The following CACNA1D variants were observed in gnomAD, a reference collection of about 807,000 sequenced individuals.
CACNA1D encodes the protein calcium voltage-gated channel subunit alpha1 D, also known as voltage-dependent L-type calcium channel subunit alpha-1D.
In CACNA1D, 55 loss-of-function variants were observed where a neutral mutation model predicts 257.1. That is an observed-to-expected ratio of 0.21 (90% CI 0.17 to 0.27). The LOEUF (loss-of-function observed/expected upper bound fraction) is 0.27, where lower values mean the gene tolerates loss of function less well. CACNA1D is among the 10% of genes least tolerant of loss of function. CACNA1D has a pLI of 1.00. For missense variants in CACNA1D, 1,876 were observed against 2,784.0 expected, an observed-to-expected ratio of 0.67 and a Z score of 7.34; for synonymous variants, 980 against 1,014.9, an observed-to-expected ratio of 0.97 and a Z score of 0.65.
rs550594451 is a variant in CACNA1D, at chr3:53,582,400, C to T, written c.484-68379C>T. ...TAAAGTGGCCAGTGACCCAGGAGAG[C>T]GGCAGAGCACAGGCTGTGGATCCTG... On this transcript the variant is annotated intron_variant, in intron 3 of 47. Coordinates refer to ENST00000350061, the MANE Select transcript of CACNA1D (RefSeq NM_001128840.3). Among the ~76,000 whole-genome samples, 99 of 152,166 alleles carry T rather than the reference C, an allele frequency of 6.5e-4. 3 individuals carry two copies. In the South Asian group the frequency reaches 0.011, roughly 18 times the overall value.
chr3:53,718,658 C>T (rs1185572171), intron 10 of CACNA1D: 1 of 1,480,244 alleles, frequency 6.8e-7, no homozygotes, highest in Admixed American at 2.1e-5. Context: ...GGTGGTTAAC[C>T]TGGCCACCTG....
chr3:53,748,374 T>C (rs2095191954), intron 26 of CACNA1D, among the ~76,000 whole-genome samples: 2 of 152,078 alleles, frequency 1.3e-5, no homozygotes, highest in South Asian at 2.1e-4. Flanking sequence ...GAGTCAGATA[T>C]TTTCAGGAGC....
At chr3:53,641,936 C>A (rs1031217815) in intron 3 of CACNA1D, among the ~76,000 whole-genome samples, 1 of 152,146 alleles carries the variant, frequency 6.6e-6, no homozygotes, top group African/African-American at 2.4e-5. Flanking sequence ...CTCTCAGATA[C>A]CTCAACATTT....
At chr3:53,736,030 G>A (rs563536983) in intron 20 of CACNA1D, among the ~76,000 whole-genome samples, 63 of 152,326 alleles carry the variant, frequency 4.1e-4, no homozygotes, top group African/African-American at 1.4e-3. Context: ...AGGATGTCAA[G>A]TTGAGGTGTT....
At chr3:53,638,757 G>C (rs1438209514) in intron 3 of CACNA1D, among the ~76,000 whole-genome samples, 1 of 152,236 alleles carries the variant, frequency 6.6e-6, no homozygotes, top group African/African-American at 2.4e-5. Flanking sequence ...TTCCTAGCAT[G>C]GTGGCCACCT....
intron 3 of CACNA1D, among the ~76,000 whole-genome samples, chr3:53,526,070 A>C (rs2091752808): frequency 6.6e-6 from 1 of 152,182 alleles, no homozygotes. Context: ...CCAGCAAAAG[A>C]GAGTGTGAGA....
Position 53,811,004 on chromosome 3 carries a change from A to C in CACNA1D, c.6193-109A>C. Reference sequence around the variant, plus strand: ...GAAAACATGATTGAGCTGCATCCCCAAAGCACACGGTGCAGTTAAGTTAGC... The same window carrying C: ...GAAAACATGATTGAGCTGCATCCCCCAAGCACACGGTGCAGTTAAGTTAGC... On this transcript the variant is annotated intron_variant, in intron 47 of 47. Transcript: ENST00000350061. This position sits in a 1 kb window ranked among gnomAD's most constrained non-coding sequence, Gnocchi z 4.2. 1 of 841,116 alleles carries C rather than the reference A, an allele frequency of 1.2e-6. No homozygotes were observed. Among genetic ancestry groups the C allele is most frequent in the East Asian group, 2.4e-5 (1 of 41,120 alleles). The allele number at this position is 841,116 out of a possible 1,614,324, so 52.1% of individuals were successfully genotyped here.
chr3:53,679,338 A>G (rs1008292744), intron 8 of CACNA1D: 1 of 149,298 alleles, frequency 6.7e-6, no homozygotes, highest in African/African-American at 2.5e-5. Context: ...CTTTACCAGC[A>G]TCTACTGACA....
At chr3:53,533,178 A>G (rs1279082521) in intron 3 of CACNA1D, among the ~76,000 whole-genome samples, 1 of 152,068 alleles carries the variant, frequency 6.6e-6, no homozygotes, top group African/African-American at 2.4e-5. Context: ...AGCTAAATTT[A>G]TTGCTTGATT....
At chr3:53,748,952 C>T in intron 26 of CACNA1D, 4 of 455,132 alleles carry the variant, frequency 8.8e-6, no homozygotes, top group South Asian at 8.1e-5. Flanking sequence ...TTTTCACTTC[C>T]TCCAGTGTCT....
At chr3:53,779,475 A>G (rs992080419) in intron 37 of CACNA1D, among the ~76,000 whole-genome samples, 1 of 151,986 alleles carries the variant, frequency 6.6e-6, no homozygotes, top group Non-Finnish European at 1.5e-5. Flanking sequence ...ACAGAGGTTT[A>G]TCATGGGGAA....
intron 9 of CACNA1D, among the ~76,000 whole-genome samples, chr3:53,707,775 C>G (rs2094706062): frequency 6.6e-6 from 1 of 150,916 alleles, no homozygotes; most frequent in South Asian, 2.1e-4. Context: ...AAACTCTTCT[C>G]ATTGTCAGTG....
chr3:53,508,664 CT>C (rs58346385), intron 3 of CACNA1D, among the ~76,000 whole-genome samples: 13 of 151,504 alleles, frequency 8.6e-5, no homozygotes, highest in East Asian at 5.8e-4. Context: ...GGGTAGTTTT[CT>C]TTTTTTTTAA....
At chr3:53,760,745 A>C (rs1178897569) in intron 29 of CACNA1D, among the ~76,000 whole-genome samples, 1 of 152,232 alleles carries the variant, frequency 6.6e-6, no homozygotes, top group Non-Finnish European at 1.5e-5. Flanking sequence ...TGTACCCTCA[A>C]AATTGTTGCA....
intron 3 of CACNA1D, among the ~76,000 whole-genome samples, chr3:53,593,341 G>A (rs2093331443): frequency 6.6e-6 from 1 of 152,178 alleles, no homozygotes; most frequent in African/African-American, 2.4e-5. Flanking sequence ...AGCTTGTCTT[G>A]TTTCTGAGTT....
chr3:53,672,884 A>G (rs1005923681), intron 7 of CACNA1D, 139 bp from the exon 8 acceptor site: 1 of 586,926 alleles, frequency 1.7e-6, no homozygotes. Context: ...GTTGTCTCTG[A>G]TTTGGCTACT....
At chr3:53,676,262 G>A (rs918253845) in intron 8 of CACNA1D, among the ~76,000 whole-genome samples, 3 of 151,766 alleles carry the variant, frequency 2.0e-5, no homozygotes, top group East Asian at 1.9e-4. Flanking sequence ...CTCCACCTCC[G>A]CCCCTCCGCC....
At chr3:53,717,688 C>T (rs1374296697) in intron 9 of CACNA1D, among the ~76,000 whole-genome samples, 1 of 152,140 alleles carries the variant, frequency 6.6e-6, no homozygotes, top group Non-Finnish European at 1.5e-5. Context: ...GTTGTTCTTA[C>T]CCAGCTTACT....
rs1191090407 is a variant in CACNA1D at position 53,495,297 on chromosome 3, T to TC, written c.67+69dup. On this transcript the variant is annotated intron_variant, in intron 1 of 47. Coordinates refer to ENST00000350061, the MANE Select transcript of CACNA1D (RefSeq NM_001128840.3). The surrounding 1 kb of genome is among the most constrained non-coding windows in gnomAD (Gnocchi z 5.1). ...ATCCTGTCATGGTCCTCCAGCCCCC[T>TC]CCCCCTTCCCCGCGGCGCTGGATGG... is the stretch of plus-strand genomic sequence containing the variant. 6.3e-7 allele frequency: 1 copy of TC among 1,589,322 alleles called. No individual in the cohort carries two copies. Among genetic ancestry groups the TC allele is most frequent in the Non-Finnish European group, 8.6e-7 (1 of 1,159,986 alleles).
Sources: gnomAD v4.1 joint callset for allele counts (sites outside exome capture counted in the v4.1 genomes callset) on GRCh38, gnomAD v4.1.1 for gene constraint, Gnocchi (gnomAD v3.1) non-coding constraint, MANE v1.5 for transcripts, NCBI Gene and HGNC (gene_info 2026-07-23, HGNC 2026-07-21) for gene names.